PRR11: variants seen among roughly 807,000 people sequenced by gnomAD.
The protein encoded by PRR11 is proline rich 11, also known as proline-rich protein 11.
In PRR11, 30 loss-of-function variants were observed where a neutral mutation model predicts 45.6. That is an observed-to-expected ratio of 0.66 (90% CI 0.49 to 0.89). The LOEUF is 0.89. PRR11 is among the 40% of genes least tolerant of loss of function. The pLI is 0.00. For missense variants in PRR11, 373 were observed against 424.8 expected (o/e 0.88, Z 1.07); for synonymous variants, 128 against 153.5 (o/e 0.83, Z 1.23).
rs3206831 is a variant in PRR11, at chr17:59,203,715, A to G, written c.*2084A>G. ...CTCTACTAAAAATACAAAATTAGCC[A>G]GGTGTGGTGTCACGCACCTGTAGTC... On this transcript the variant is annotated 3_prime_UTR_variant, in exon 10 of 10. Coordinates refer to ENST00000262293, the MANE Select transcript of PRR11 (RefSeq NM_018304.4). The G allele has an allele frequency of 1.3e-5, 2 of 151,570 alleles. No individual in the cohort carries two copies. Among genetic ancestry groups the G allele is most frequent in the Non-Finnish European group, 2.9e-5 (2 of 67,962 alleles). The allele number at this position is 151,570 out of a possible 1,614,324, so 9.4% of individuals were successfully genotyped here.
chr17:59,163,707 G>C (rs1281448018), intron 1 of PRR11: 1 of 152,024 alleles, frequency 6.6e-6, no homozygotes. Flanking sequence ...AGCTAAGAAT[G>C]ATTTATAACT....
intron 2 of PRR11, among the ~76,000 whole-genome samples, chr17:59,180,873 C>T (rs2046781563): frequency 6.6e-6 from 1 of 151,696 alleles, no homozygotes; most frequent in Admixed American, 6.6e-5. Flanking sequence ...GCAGTCATAG[C>T]TCACTGCAGC....
intron 2 of PRR11, chr17:59,181,794 A>T: frequency 6.5e-7 from 1 of 1,545,526 alleles, no homozygotes; most frequent in Non-Finnish European, 8.8e-7. Context: ...GCAACTGATC[A>T]CCTTAGACCC....
Position 59,205,833 on chromosome 17 carries a change from G to T in PRR11, c.*4202G>T, listed in dbSNP as rs1006204115. ...GGCCGAGGTGGGTGTATCACTTGAG[G>T]TCAGGAGTTTGAGACCAGCCTGGCC... On this transcript the variant is annotated 3_prime_UTR_variant, in exon 10 of 10. Coordinates refer to ENST00000262293, the MANE Select transcript of PRR11 (RefSeq NM_018304.4). Among the ~76,000 whole-genome samples, 8 of 151,734 alleles carry T rather than the reference G, an allele frequency of 5.3e-5. No individual in the cohort carries two copies. The highest frequency in any genetic ancestry group is 1.7e-4 in the African/African-American group (7 of 41,270).
At chr17:59,200,569 T>G (rs1184177322) in intron 9 of PRR11, among the ~76,000 whole-genome samples, 2 of 152,292 alleles carry the variant, frequency 1.3e-5, no homozygotes, top group East Asian at 1.9e-4. Flanking sequence ...CTTGGCTCGC[T>G]GCAAGCTCTG....
rs149949805 is a variant in PRR11, at chr17:59,196,504, G to A, written c.858-1040G>A. 1.9e-3 allele frequency among the ~76,000 whole-genome samples: 293 copies of A among 152,202 alleles called. 2 individuals carry two copies. Among genetic ancestry groups the A allele is most frequent in the African/African-American group, 6.8e-3 (281 of 41,522 alleles). On this transcript the variant is annotated intron_variant, in intron 7 of 9. Coordinates refer to ENST00000262293, the MANE Select transcript of PRR11 (RefSeq NM_018304.4). ...CAATTCTCCTGCTTCAGCCTCCTGA[G>A]TAGCAGGGATTACAGGCGTGTGCCA...
At chr17:59,194,232 A>G (rs892208560) in intron 5 of PRR11, among the ~76,000 whole-genome samples, 4 of 150,118 alleles carry the variant, frequency 2.7e-5, no homozygotes, top group Non-Finnish European at 4.4e-5. Context: ...ATTTGGTTTA[A>G]TGTAGCTGAA....
intron 1 of PRR11, among the ~76,000 whole-genome samples, chr17:59,160,261 G>A (rs888636029): frequency 6.6e-6 from 1 of 152,072 alleles, no homozygotes; most frequent in African/African-American, 2.4e-5. Flanking sequence ...AGAATCTCTT[G>A]AAGGTCATAA....
chr17:59,181,513 A>G (rs1474602133), intron 2 of PRR11: 1 of 1,162,182 alleles, frequency 8.6e-7, no homozygotes, highest in African/African-American at 1.5e-5. Context: ...CCTCCTACCA[A>G]GCAGCCTGTT....
chr17:59,189,444 C>T (rs911754764), intron 4 of PRR11, among the ~76,000 whole-genome samples: 11 of 152,118 alleles, frequency 7.2e-5, no homozygotes, highest in Non-Finnish European at 1.6e-4. Context: ...AGCAGTTCTT[C>T]TGCCTCAACC....
Position 59,193,723 on chromosome 17 carries a change from A to G in PRR11, c.634A>G (p.Lys212Glu). The part of the protein sequence containing the change: ...PVLLRKPSLA[K>E]ALQAGPLKKD... ...GTTGCTCAGAAAACCCAGTCTCGCT[A>G]AAGCACTTCAGGTAGGTAACAATCT... is the stretch of plus-strand genomic sequence containing the variant. The change falls in exon 5 of 10, where the codon AAA becomes GAA. Residue 212 changes from lysine (K) to glutamate (E), a missense_variant. By Grantham distance (56) the Lys-to-Glu change is moderately conservative (BLOSUM62 1). Coordinates refer to ENST00000262293, the MANE Select transcript of PRR11 (RefSeq NM_018304.4). 1.2e-6 allele frequency: 2 copies of G among 1,613,822 alleles called. No individual in the cohort carries two copies. The highest frequency in any genetic ancestry group is 1.7e-6 in the Non-Finnish European group (2 of 1,179,702).
intron 1 of PRR11, among the ~76,000 whole-genome samples, chr17:59,159,254 T>G (rs1169382328): frequency 2.6e-5 from 4 of 152,228 alleles, no homozygotes; most frequent in Non-Finnish European, 5.9e-5. Flanking sequence ...TCTCAAAGTT[T>G]GGTAATCAGC....
At chr17:59,194,932 G>T in intron 6 of PRR11, 77 bp downstream of exon 6, 7 of 1,198,084 alleles carry the variant, frequency 5.8e-6, no homozygotes, top group Non-Finnish European at 6.0e-6. Context: ...CCAGCACTTT[G>T]GGAGACCAAG....
At chr17:59,191,454 G>A (rs2046840417) in intron 4 of PRR11, among the ~76,000 whole-genome samples, 1 of 151,720 alleles carries the variant, frequency 6.6e-6, no homozygotes. Context: ...CCTGACCTCA[G>A]GTAATCCACC....
rs71367676 is a variant in PRR11 at position 59,176,684 on chromosome 17, C to CTTTTTT, written c.128+6829_128+6834dup. ...TGGCGTTGGAATTTGGTTTTTTTGG[C>CTTTTTT]TTTTTTTTTTTTTTTTTTTTTTTTT... On this transcript the variant is annotated intron_variant, in intron 2 of 9. Transcript: ENST00000262293. Among the ~76,000 whole-genome samples the CTTTTTT allele has an allele frequency of 4.1e-4, 16 of 39,000 alleles. 2 individuals carry two copies. The highest frequency in any genetic ancestry group is 1.2e-3 in the African/African-American group (10 of 8,236). The allele number at this position is 39,000 out of a possible 152,430, so 25.6% of individuals were successfully genotyped here. A position where few individuals can be genotyped will look rare whatever the true frequency, so the allele number is the denominator to read the frequency against.
chr17:59,189,974 TA>T lies in PRR11; in HGVS notation c.403-3507del, dbSNP rs879329681. ...GGGCAACATAGTGAGACCCTGTCTC[TA>T]AAAAAAAAAAGTTTTCTTTTATTTT... On this transcript the variant is annotated intron_variant, in intron 4 of 9. Transcript: ENST00000262293. Among the ~76,000 whole-genome samples, 850 of 145,156 alleles carry T rather than the reference TA, an allele frequency of 5.9e-3. 10 individuals carry two copies. Among genetic ancestry groups the T allele is most frequent in the African/African-American group, 0.019 (762 of 39,860 alleles).
rs2046809860 is a variant in PRR11, at chr17:59,185,472, A to AT, written c.313dup (p.Ser105PhefsTer21). ...AAGTATTGAAAGACACCATCTTTCCATCTCGTATCTGCCACCGAGAACTTT... is the reference window on the plus strand; with the variant it reads ...AAGTATTGAAAGACACCATCTTTCCATTCTCGTATCTGCCACCGAGAACTTT... On this transcript the variant is annotated frameshift_variant, in exon 4 of 10. Coordinates refer to ENST00000262293, the MANE Select transcript of PRR11 (RefSeq NM_018304.4). LOFTEE classifies it high-confidence loss of function. The AT allele has an allele frequency of 6.2e-7, 1 of 1,606,846 alleles. No individual in the cohort carries two copies.
intron 7 of PRR11, among the ~76,000 whole-genome samples, chr17:59,196,415 C>G (rs1046048764): frequency 6.6e-6 from 1 of 152,038 alleles, no homozygotes; most frequent in Non-Finnish European, 1.5e-5. Flanking sequence ...CTTGCTCTGT[C>G]GCCCAGACTG....
chr17:59,185,501 G>A lies in PRR11; in HGVS notation c.341G>A (p.Ser114Asn). 6.2e-7 allele frequency: 1 copy of A among 1,612,214 alleles called. No homozygotes were observed. The highest frequency in any genetic ancestry group is 8.5e-7 in the Non-Finnish European group (1 of 1,179,306). The change falls in exon 4 of 10, where the codon AGT becomes AAT. Residue 114 changes from serine to asparagine, a missense_variant. Coordinates refer to ENST00000262293, the MANE Select transcript of PRR11 (RefSeq NM_018304.4). ...CGTATCTGCCACCGAGAACTTTACA[G>A]TGTAAAACAACAGTTTTGCATTTTG... ...PSRICHRELY[S>N]VKQQFCILES...
Sources: gnomAD v4.1 joint callset for allele counts (sites outside exome capture counted in the v4.1 genomes callset) on GRCh38, gnomAD v4.1.1 for gene constraint, MANE v1.5 for transcripts, NCBI Gene and HGNC (gene_info 2026-07-23, HGNC 2026-07-21) for gene names.